The following LTBP1 variants were observed in gnomAD, a reference collection of about 807,000 sequenced individuals.
The protein encoded by LTBP1 is latent transforming growth factor beta binding protein 1, also known as latent-transforming growth factor beta-binding protein 1.
LTBP1 carries 129 observed loss-of-function variants against 207.6 expected under a neutral mutation model. That is an observed-to-expected ratio of 0.62 (90% CI 0.54 to 0.72). LTBP1 has a LOEUF of 0.72. Among genes scored for constraint, LTBP1 ranks in the 30% least tolerant of loss-of-function variants. The pLI is 0.00. For missense variants in LTBP1, 2,281 were observed against 2,217.2 expected (o/e 1.03, Z -0.58); for synonymous variants, 963 against 833.7 (o/e 1.16, Z -2.67).
intron 21 of LTBP1, among the ~76,000 whole-genome samples, chr2:33,301,039 G>A (rs930426651): frequency 3.3e-5 from 5 of 152,120 alleles, no homozygotes; most frequent in Non-Finnish European, 5.9e-5. Flanking sequence ...CTGTAATAAT[G>A]TCCCCCTTAG....
Position 33,200,533 on chromosome 2 carries a change from A to G in LTBP1, c.1701+11682A>G, listed in dbSNP as rs181045851. ...AAAACCATAAAAACCCTAGAAGAAAACCTAGGCATTACCATTCAGGACATA... is the reference window on the plus strand; with the variant it reads ...AAAACCATAAAAACCCTAGAAGAAAGCCTAGGCATTACCATTCAGGACATA... On this transcript the variant is annotated intron_variant, in intron 7 of 33. Transcript: ENST00000404816. Among the ~76,000 whole-genome samples the G allele has an allele frequency of 7.4e-4, 113 of 152,262 alleles. 1 individual carries two copies. Among genetic ancestry groups the G allele is most frequent in the African/African-American group, 2.6e-3 (110 of 41,556 alleles).
chr2:33,345,459 C>A (rs1323331895), intron 25 of LTBP1, among the ~76,000 whole-genome samples: 1 of 152,154 alleles, frequency 6.6e-6, no homozygotes, highest in African/African-American at 2.4e-5. Context: ...AGTTTATTAG[C>A]CATGTCAATA....
chr2:33,288,197 CA>C (rs2093702074), intron 19 of LTBP1, among the ~76,000 whole-genome samples: 1 of 152,092 alleles, frequency 6.6e-6, no homozygotes. Flanking sequence ...GGAAGTAATA[CA>C]GGTAAATTAC....
intron 31 of LTBP1, among the ~76,000 whole-genome samples, chr2:33,383,149 C>T (rs2095235232): frequency 6.6e-6 from 1 of 152,170 alleles, no homozygotes; most frequent in South Asian, 2.1e-4. Context: ...AGGTCAGGAG[C>T]TCAAGACCAG....
Position 33,134,626 on chromosome 2 carries a change from A to G in LTBP1, c.1034-167A>G. On this transcript the variant is annotated intron_variant, in intron 4 of 33. Coordinates refer to ENST00000404816, the MANE Select transcript of LTBP1 (RefSeq NM_206943.4). The surrounding 1 kb of genome is among the most constrained non-coding windows in gnomAD (Gnocchi z 4.4). Reference sequence around the variant, plus strand: ...CACCACTGAATACAGAGCAGCGAGCACTGAAGGCTTCCCTCTTTCCTTAAA... The same window carrying G: ...CACCACTGAATACAGAGCAGCGAGCGCTGAAGGCTTCCCTCTTTCCTTAAA... 1 of 1,534,204 alleles carries G rather than the reference A, an allele frequency of 6.5e-7. No individual in the cohort carries two copies. Among genetic ancestry groups the G allele is most frequent in the Admixed American group, 2.0e-5 (1 of 49,356 alleles).
intron 13 of LTBP1, among the ~76,000 whole-genome samples, chr2:33,261,390 A>G (rs2093005388): frequency 6.6e-6 from 1 of 152,222 alleles, no homozygotes; most frequent in Non-Finnish European, 1.5e-5. Context: ...TTTTAAGAAG[A>G]CAGAGGAAAT....
chr2:33,017,110 T>G (rs1374418967), intron 2 of LTBP1, among the ~76,000 whole-genome samples: 1 of 152,250 alleles, frequency 6.6e-6, no homozygotes, highest in Non-Finnish European at 1.5e-5. Context: ...AGTTTTCACG[T>G]AAATGCTATG....
In LTBP1 at chr2:33,182,243, G is replaced by A. The variant is rs192335136; in HGVS notation, c.1202-4613G>A. 1.4e-4 allele frequency among the ~76,000 whole-genome samples: 21 copies of A among 152,206 alleles called. No individual in the cohort carries two copies. In the East Asian group the frequency reaches 3.7e-3, roughly 27 times the overall value. The stretch of plus-strand genomic sequence containing the variant: ...GGTATAGTCCTTGAAACAACTGTGT[G>A]GAGGTTATCTCAGGGGGTTAGAGGT... On this transcript the variant is annotated intron_variant, in intron 5 of 33. Coordinates refer to ENST00000404816, the MANE Select transcript of LTBP1 (RefSeq NM_206943.4).
chr2:33,396,708 C>G (rs2095361624), intron 32 of LTBP1, among the ~76,000 whole-genome samples: 1 of 152,182 alleles, frequency 6.6e-6, no homozygotes, highest in Non-Finnish European at 1.5e-5. Flanking sequence ...AACGTATTGC[C>G]TCACACTCTT....
chr2:33,259,741 T>C, intron 13 of LTBP1, 131 bp downstream of exon 13: 1 of 750,698 alleles, frequency 1.3e-6, no homozygotes, highest in Non-Finnish European at 2.0e-6. Flanking sequence ...TGAGTTAATA[T>C]AGCATTCAGT....
chr2:33,215,383 T>C (rs2090599818), intron 7 of LTBP1, among the ~76,000 whole-genome samples: 3 of 152,190 alleles, frequency 2.0e-5, no homozygotes, highest in Admixed American at 2.0e-4. Flanking sequence ...CACTATCATA[T>C]ACTGCTGTTG....
chr2:33,308,571 T>C (rs1373284876), intron 22 of LTBP1, among the ~76,000 whole-genome samples: 1 of 152,238 alleles, frequency 6.6e-6, no homozygotes, highest in Non-Finnish European at 1.5e-5. Context: ...CTTTATGATA[T>C]TCTTTGTCTA....
intron 3 of LTBP1, among the ~76,000 whole-genome samples, chr2:33,037,214 A>C (rs898258442): frequency 6.6e-6 from 1 of 152,172 alleles, no homozygotes; most frequent in Non-Finnish European, 1.5e-5. Context: ...TATATGTTTC[A>C]TTCAAGTTTC....
At chr2:33,170,731 C>T (rs1003206141) in intron 5 of LTBP1, among the ~76,000 whole-genome samples, 7 of 141,970 alleles carry the variant, frequency 4.9e-5, no homozygotes, top group African/African-American at 1.8e-4. Context: ...GACCCCTGAC[C>T]CCCGAGCAGC....
chr2:33,300,300 A>G (rs920858544), intron 20 of LTBP1, 151 bp from the exon 21 acceptor site: 2 of 596,180 alleles, frequency 3.4e-6, no homozygotes, highest in Admixed American at 2.7e-5. Context: ...ATACAACAGC[A>G]TGGGTGGAGT....
intron 3 of LTBP1, among the ~76,000 whole-genome samples, chr2:33,107,004 G>A (rs1201767080): frequency 6.6e-6 from 1 of 152,166 alleles, no homozygotes; most frequent in Non-Finnish European, 1.5e-5. Flanking sequence ...GGTCCCCTGT[G>A]ACAACTGCTT....
chr2:32,962,354 TGTTAA>T (rs1428720569), intron 2 of LTBP1, among the ~76,000 whole-genome samples: 1 of 152,216 alleles, frequency 6.6e-6, no homozygotes, highest in African/African-American at 2.4e-5. Flanking sequence ...GAAAAGGTTA[TGTTAA>T]GTTAGTCCAA....
At chr2:33,223,905 G>A (rs1283187641) in intron 9 of LTBP1, among the ~76,000 whole-genome samples, 1 of 152,144 alleles carries the variant, frequency 6.6e-6, no homozygotes, top group East Asian at 1.9e-4. Context: ...TTGTAAACAG[G>A]CCACTAAATG....
chr2:33,050,302 A>C (rs2076664926), intron 3 of LTBP1, among the ~76,000 whole-genome samples: 1 of 152,048 alleles, frequency 6.6e-6, no homozygotes, highest in South Asian at 2.1e-4. Flanking sequence ...GGACTCTTAG[A>C]AACTATCTGT....
Sources: allele counts gnomAD v4.1 joint callset (sites outside exome capture counted in the v4.1 genomes callset), GRCh38; gene constraint gnomAD v4.1.1; non-coding constraint Gnocchi (gnomAD v3.1); transcripts MANE v1.5; gene names NCBI Gene and HGNC (gene_info 2026-07-23, HGNC 2026-07-21).